Variants in ARHGAP32 observed in about 807,000 individuals in gnomAD.
ARHGAP32 encodes Rho GTPase activating protein 32, also known as rho GTPase-activating protein 32.
ARHGAP32 carries 51 observed loss-of-function variants against 186.5 expected under a neutral mutation model. That is an observed-to-expected ratio of 0.27 (90% CI 0.22 to 0.35). The LOEUF (loss-of-function observed/expected upper bound fraction) is 0.35. Ranked by LOEUF, ARHGAP32 falls within the 10% of genes least tolerant of loss-of-function variation. ARHGAP32 has a pLI of 1.00. For missense variants in ARHGAP32, 2,186 were observed against 2,623.5 expected (o/e 0.83, Z 3.64); for synonymous variants, 950 against 964.3 (o/e 0.99, Z 0.27).
chr11:129,248,755 G>C (rs1286328694), intron 1 of ARHGAP32, among the ~76,000 whole-genome samples: 1 of 151,984 alleles, frequency 6.6e-6, no homozygotes, highest in Non-Finnish European at 1.5e-5. Context: ...TCCTGTACAC[G>C]TGCTTCCCCA....
At chr11:129,088,821 T>A (rs1941486193) in intron 6 of ARHGAP32, among the ~76,000 whole-genome samples, 1 of 151,886 alleles carries the variant, frequency 6.6e-6, no homozygotes, top group Non-Finnish European at 1.5e-5. Flanking sequence ...GGTAAGTGGA[T>A]CACTTGAGCT....
At chr11:129,000,454 A>C (rs551366218) in intron 11 of ARHGAP32, among the ~76,000 whole-genome samples, 2 of 152,288 alleles carry the variant, frequency 1.3e-5, no homozygotes, top group Admixed American at 1.3e-4. Context: ...ATGATTACTG[A>C]GAGTCTTACT....
chr11:129,279,075 CCCCCGCAGCCTT>C (rs1286818658), intron 1 of ARHGAP32: 1 of 147,400 alleles, frequency 6.8e-6, no homozygotes, highest in Non-Finnish European at 1.5e-5. Context: ...AAAGAGAGGC[CCCCCGCAGCCTT>C]CCCCGCGGGG....
At position 129,160,337 on chromosome 11, in the gene ARHGAP32, G is replaced by A. The variant is rs1467015858; in HGVS notation, c.225+3982C>T. 2.0e-5 allele frequency among the ~76,000 whole-genome samples: 3 copies of A among 152,224 alleles called. No individual in the cohort carries two copies. In the South Asian group the frequency reaches 6.2e-4, roughly 32 times the overall value. On this transcript the variant is annotated intron_variant, in intron 2 of 22. Coordinates refer to ENST00000682385, the MANE Select transcript of ARHGAP32 (RefSeq NM_001378024.1). ...GTCTCTGTTTGCAGATGACGTGATT[G>A]TATATTTAAAAAACCCCATCGTCTC...
At chr11:129,086,770 G>A (rs1218404702) in intron 6 of ARHGAP32, among the ~76,000 whole-genome samples, 15 of 147,000 alleles carry the variant, frequency 1.0e-4, no homozygotes, top group South Asian at 6.4e-4. Flanking sequence ...GCAGTGAGCC[G>A]AGATTGCGCC....
chr11:129,091,359 C>T (rs991763098), intron 6 of ARHGAP32, among the ~76,000 whole-genome samples: 5 of 152,024 alleles, frequency 3.3e-5, no homozygotes, highest in African/African-American at 7.2e-5. Context: ...AGACAGTTTA[C>T]AATTCTGGGC....
rs115551891 is a variant in ARHGAP32, at chr11:129,113,468, T to C, written c.444+9978A>G. Among the ~76,000 whole-genome samples, 1,083 of 152,216 alleles carry C rather than the reference T, an allele frequency of 7.1e-3. 18 individuals are homozygous for C. Among genetic ancestry groups the C allele is most frequent in the African/African-American group, 0.025 (1,025 of 41,548 alleles). The stretch of plus-strand genomic sequence containing the variant: ...ATGTAAGTCTTGATAAATTTTAACT[T>C]TTTATAATATATTTGTGTATTTTAT... On this transcript the variant is annotated intron_variant, in intron 5 of 22. Transcript: ENST00000682385.
intron 1 of ARHGAP32, among the ~76,000 whole-genome samples, chr11:129,237,929 A>G (rs1159912721): frequency 6.6e-6 from 1 of 152,100 alleles, no homozygotes; most frequent in African/African-American, 2.4e-5. Context: ...AAGAAGTGAG[A>G]GTGATTTAGA....
At chr11:128,978,217 T>C (rs542623812) in intron 19 of ARHGAP32, among the ~76,000 whole-genome samples, 1 of 152,180 alleles carries the variant, frequency 6.6e-6, no homozygotes, top group Non-Finnish European at 1.5e-5. Flanking sequence ...CTTCTAACAT[T>C]ATCTAAGAAG....
chr11:128,981,439 C>T lies in ARHGAP32; in HGVS notation c.1757G>A (p.Ser586Asn). The T allele has an allele frequency of 2.5e-6, 4 of 1,610,074 alleles. No homozygotes were observed. The highest frequency in any genetic ancestry group is 3.4e-6 in the Non-Finnish European group (4 of 1,177,354). Reference sequence around the variant, plus strand: ...ACCTGCCCCCTCTTGCATGGCCATGCTGATTCTGCCGCTGAACAGCACATC... The same window carrying T: ...ACCTGCCCCCTCTTGCATGGCCATGTTGATTCTGCCGCTGAACAGCACATC... ...HVDVLFSGRI[S>N]MAMQEGAASL... The change falls in exon 17 of 23, where the codon AGC (serine) becomes AAC (asparagine). Residue 586 changes from serine to asparagine, a missense_variant. Around this residue, in one of 5 missense-constraint regions of ARHGAP32, gnomAD observed 263 missense variants for 323.5 expected, o/e 0.81. Coordinates refer to ENST00000682385, the MANE Select transcript of ARHGAP32 (RefSeq NM_001378024.1).
rs1449243571 is a variant in ARHGAP32 at position 129,072,342 on chromosome 11, T to C, written c.532-5474A>G. 5.9e-5 allele frequency among the ~76,000 whole-genome samples: 9 copies of C among 152,150 alleles called. No individual in the cohort carries two copies. The South Asian group carries it at 6.2e-4, about 11-fold the overall frequency. Reference sequence around the variant, plus strand: ...AGTACCACATGGAAATGACAGGCCATACAAAAATACATTCATGATACAGTT... The same window carrying C: ...AGTACCACATGGAAATGACAGGCCACACAAAAATACATTCATGATACAGTT... On this transcript the variant is annotated intron_variant, in intron 6 of 22. Coordinates refer to ENST00000682385, the MANE Select transcript of ARHGAP32 (RefSeq NM_001378024.1).
At chr11:129,172,938 T>G (rs1943799713) in intron 1 of ARHGAP32, among the ~76,000 whole-genome samples, 1 of 132,808 alleles carries the variant, frequency 7.5e-6, no homozygotes, top group African/African-American at 2.9e-5. Flanking sequence ...AAGAAATAAC[T>G]AAGATCAGAG....
At position 129,156,814 on chromosome 11, in the gene ARHGAP32, C is replaced by A. The variant is rs188354527; in HGVS notation, c.225+7505G>T. 3.8e-3 allele frequency among the ~76,000 whole-genome samples: 576 copies of A among 152,324 alleles called. 8 individuals are homozygous for A. Among genetic ancestry groups the A allele is most frequent in the South Asian group, 0.022 (108 of 4,822 alleles). Reference sequence around the variant, plus strand: ...TCTCCCAGCAGTAGTCAACAGACACCTCATGCAAGAGAGCTCCAGCTGGCA... The same window carrying A: ...TCTCCCAGCAGTAGTCAACAGACACATCATGCAAGAGAGCTCCAGCTGGCA... On this transcript the variant is annotated intron_variant, in intron 2 of 22. Transcript: ENST00000682385.
At chr11:129,104,159 C>A (rs185697233) in intron 5 of ARHGAP32, among the ~76,000 whole-genome samples, 153 of 151,926 alleles carry the variant, frequency 1.0e-3, no homozygotes, top group African/African-American at 3.5e-3. Context: ...CCAACAAAAC[C>A]TCACCAAAAA....
At position 129,123,812 on chromosome 11, in the gene ARHGAP32, A is replaced by T; in HGVS notation, c.359+76T>A. On this transcript the variant is annotated intron_variant, in intron 4 of 22. Coordinates refer to ENST00000682385, the MANE Select transcript of ARHGAP32 (RefSeq NM_001378024.1). The surrounding 1 kb of genome is among the most constrained non-coding windows in gnomAD (Gnocchi z 4.6). ...CCATAGAAAAACTGCTATTTTCGGC[A>T]AATGTTATGGAAACTGTGGACAGCC... The T allele has an allele frequency of 2.5e-6, 3 of 1,211,316 alleles. No individual in the cohort carries two copies. Among genetic ancestry groups the T allele is most frequent in the Non-Finnish European group, 3.3e-6 (3 of 921,862 alleles). The allele number at this position is 1,211,316 out of a possible 1,614,324, so 75.0% of individuals were successfully genotyped here. A position where few individuals can be genotyped will look rare whatever the true frequency, so the allele number is the denominator to read the frequency against.
intron 11 of ARHGAP32, among the ~76,000 whole-genome samples, chr11:129,026,493 T>C (rs1938853654): frequency 2.0e-5 from 3 of 152,054 alleles, no homozygotes; most frequent in Admixed American, 2.0e-4. Context: ...AATCATTCTA[T>C]CATAAAAACT....
intron 2 of ARHGAP32, among the ~76,000 whole-genome samples, chr11:129,155,375 A>G (rs1392839504): frequency 6.6e-6 from 1 of 152,246 alleles, no homozygotes. Context: ...GTGAATATCT[A>G]TTATTTTGTT....
At position 128,968,372 on chromosome 11, in the gene ARHGAP32, G is replaced by T. The variant is rs1945266450; in HGVS notation, c.*535C>A. ...GTCTGACTGACCTTGAAGGATCAGG[G>T]ATTTTTCCACGACTCTAACTGAACA... is the stretch of plus-strand genomic sequence containing the variant. On this transcript the variant is annotated 3_prime_UTR_variant, in exon 23 of 23. Transcript: ENST00000682385. 1 of 152,072 alleles carries T rather than the reference G, an allele frequency of 6.6e-6. No individual in the cohort carries two copies. The highest frequency in any genetic ancestry group is 1.5e-5 in the Non-Finnish European group (1 of 68,018). 9.4% of individuals were successfully genotyped at this position (152,072 alleles called of 1,614,324 possible).
chr11:129,143,761 AG>A (rs1238859265), intron 2 of ARHGAP32, among the ~76,000 whole-genome samples: 1 of 152,222 alleles, frequency 6.6e-6, no homozygotes, highest in Non-Finnish European at 1.5e-5. Flanking sequence ...TGAGATCTAC[AG>A]GAAGAATGAA....
Sources: gnomAD v4.1 joint callset for allele counts (sites outside exome capture counted in the v4.1 genomes callset) on GRCh38, gnomAD v4.1.1 for gene constraint, gnomAD v4.1.1 regional missense constraint, Gnocchi (gnomAD v3.1) non-coding constraint, MANE v1.5 for transcripts, NCBI Gene and HGNC (gene_info 2026-07-23, HGNC 2026-07-21) for gene names.